Variants in ALPK2 observed in about 807,000 individuals in gnomAD.
ALPK2 encodes alpha-protein kinase 2.
ALPK2 carries 127 observed loss-of-function variants against 163.1 expected under a neutral mutation model. That is an observed-to-expected ratio of 0.78 (90% CI 0.67 to 0.90). The LOEUF is 0.90. Ranked by LOEUF, ALPK2 falls within the 40% of genes least tolerant of loss-of-function variation. ALPK2 has a pLI of 0.00. For missense variants in ALPK2, 2,360 were observed against 2,589.6 expected (o/e 0.91, Z 1.92); for synonymous variants, 953 against 959.1 (o/e 0.99, Z 0.12).
In ALPK2 at chr18:58,573,613, C is replaced by CTTTTTTTTTTTTTTTT. The variant is rs778622176; in HGVS notation, c.1962+5185_1962+5200dup. Among the ~76,000 whole-genome samples the CTTTTTTTTTTTTTTTT allele has an allele frequency of 3.3e-3, 171 of 51,710 alleles. 1 individual carries two copies. The highest frequency in any genetic ancestry group is 0.013 in the East Asian group (14 of 1,046). The allele number at this position is 51,710 out of a possible 152,430, so 33.9% of individuals were successfully genotyped here. ...AGAGGCATGTTGCCATTTTTGTCTT[C>CTTTTTTTTTTTTTTTT]TTTTTTTTTTTTTTTTTTTTTTTTA... On this transcript the variant is annotated intron_variant, in intron 4 of 12. Coordinates refer to ENST00000361673, the MANE Select transcript of ALPK2 (RefSeq NM_052947.4).
At chr18:58,543,489 C>T (rs1405507704) in intron 4 of ALPK2, 3 of 701,750 alleles carry the variant, frequency 4.3e-6, no homozygotes, top group East Asian at 1.3e-4. Flanking sequence ...AGAGAGAGGG[C>T]AGCAGAAAGG....
chr18:58,616,309 ATC>A (rs1161165633), intron 1 of ALPK2, among the ~76,000 whole-genome samples: 3 of 152,118 alleles, frequency 2.0e-5, no homozygotes, highest in Non-Finnish European at 2.9e-5. Context: ...GGGAAACAGA[ATC>A]TCTCTCTCTG....
chr18:58,550,488 C>T (rs182998723), intron 4 of ALPK2, among the ~76,000 whole-genome samples: 31 of 6,862 alleles, frequency 4.5e-3, no homozygotes, highest in Admixed American at 7.4e-3. Flanking sequence ...TATGACTCTA[C>T]CCCCATCTAT....
intron 4 of ALPK2, among the ~76,000 whole-genome samples, chr18:58,562,962 G>A (rs2051832582): frequency 6.6e-6 from 1 of 152,146 alleles, no homozygotes; most frequent in Non-Finnish European, 1.5e-5. Context: ...GACTCCACCT[G>A]CTAATAGTAT....
intron 12 of ALPK2, among the ~76,000 whole-genome samples, chr18:58,492,673 A>G (rs1248777751): frequency 2.0e-5 from 3 of 152,188 alleles, no homozygotes; most frequent in Non-Finnish European, 4.4e-5. Flanking sequence ...CTGGATGACA[A>G]GCGATGCAGC....
At chr18:58,514,083 A>G (rs1440662359) in intron 10 of ALPK2, among the ~76,000 whole-genome samples, 1 of 152,186 alleles carries the variant, frequency 6.6e-6, no homozygotes, top group Admixed American at 6.5e-5. Flanking sequence ...CAGTTCCCAT[A>G]TCATGAAAGC....
intron 5 of ALPK2, 100 bp from the exon 6 acceptor site, chr18:58,529,338 T>C (rs1206673680): frequency 8.0e-7 from 1 of 1,243,406 alleles, no homozygotes; most frequent in East Asian, 2.5e-5. Flanking sequence ...TATTAATTAT[T>C]ATCCCCAATT....
chr18:58,628,055 TA>T (rs1476033513), intron 1 of ALPK2, among the ~76,000 whole-genome samples: 1 of 152,228 alleles, frequency 6.6e-6, no homozygotes, highest in Non-Finnish European at 1.5e-5. Context: ...CTGACACCCT[TA>T]ATCAAGGCTT....
At chr18:58,509,309 G>A (rs1047198243) in intron 10 of ALPK2, among the ~76,000 whole-genome samples, 18 of 152,218 alleles carry the variant, frequency 1.2e-4, no homozygotes, top group Non-Finnish European at 2.6e-4. Context: ...TTGGTTCCAA[G>A]TCTTTGCTAT....
chr18:58,561,736 C>A (rs1420739607), intron 4 of ALPK2, among the ~76,000 whole-genome samples: 1 of 152,174 alleles, frequency 6.6e-6, no homozygotes, highest in Non-Finnish European at 1.5e-5. Context: ...ACTCCCACCC[C>A]CATTGGTGGA....
chr18:58,590,298 C>T (rs1034729407), intron 3 of ALPK2, among the ~76,000 whole-genome samples: 1 of 151,668 alleles, frequency 6.6e-6, no homozygotes, highest in Non-Finnish European at 1.5e-5. Context: ...GCACCACAGG[C>T]ATTCCATTTT....
In ALPK2 at chr18:58,536,614, C is replaced by T. The variant is rs776529478; in HGVS notation, c.3573G>A (p.Thr1191=). 20 of 1,614,030 alleles carry T rather than the reference C, an allele frequency of 1.2e-5. No homozygotes were observed. Among genetic ancestry groups the T allele is most frequent in the Non-Finnish European group, 1.5e-5 (18 of 1,180,028 alleles). ...CAGTTTCAGCCACCACGGAGACCCT[C>T]GTCCCCCAACCTGAGCGCTGCCCTG... The part of the protein sequence containing the change: ...EGAGQRSGWG[T]RVSVVAETAG... Residue 1191 remains threonine (T), a synonymous_variant, in exon 5 of 13, where the codon ACG becomes ACA. Coordinates refer to ENST00000361673, the MANE Select transcript of ALPK2 (RefSeq NM_052947.4).
chr18:58,532,820 AC>A lies in ALPK2; in HGVS notation c.5353+2013del, dbSNP rs1399720872. On this transcript the variant is annotated intron_variant, in intron 5 of 12. Coordinates refer to ENST00000361673, the MANE Select transcript of ALPK2 (RefSeq NM_052947.4). The stretch of plus-strand genomic sequence containing the variant: ...ATTTTACAGGTGGGGAAAGTGAGGC[AC>A]CCAGAGGCTAAGGCATTTGCCCAGG... 5.9e-5 allele frequency among the ~76,000 whole-genome samples: 9 copies of A among 152,176 alleles called. 1 individual carries two copies. The highest frequency in any genetic ancestry group is 1.5e-5 in the Non-Finnish European group (1 of 68,026).
intron 6 of ALPK2, among the ~76,000 whole-genome samples, chr18:58,528,362 T>C (rs1248421419): frequency 6.6e-6 from 1 of 152,046 alleles, no homozygotes; most frequent in African/African-American, 2.4e-5. Context: ...CAAAACCCTG[T>C]CTCTACTAAA....
chr18:58,545,110 A>G (rs1247512454), intron 4 of ALPK2: 1 of 152,130 alleles, frequency 6.6e-6, no homozygotes, highest in Non-Finnish European at 1.5e-5. Flanking sequence ...AAAAGCCAGC[A>G]CACTATGACT....
chr18:58,527,240 C>T (rs572173563), intron 6 of ALPK2, among the ~76,000 whole-genome samples: 20 of 152,266 alleles, frequency 1.3e-4, no homozygotes, highest in African/African-American at 4.3e-4. Flanking sequence ...TGAAGGGAAA[C>T]GCTGGACTGG....
At position 58,535,948 on chromosome 18, in the gene ALPK2, C is replaced by G. The variant is rs533016548; in HGVS notation, c.4239G>C (p.Glu1413Asp). Residue 1413 changes from glutamate to aspartate, a missense_variant, in exon 5 of 13, where the codon GAG (glutamate) becomes GAC (aspartate). Transcript: ENST00000361673. The stretch of plus-strand genomic sequence containing the variant: ...GCTCTGGTTTTCCAGCCCTGGTGTA[C>G]TCTATCACACTTATCTCATCAATGG... ...VDPIDEISVIEYTRAGKPEPS... is the reference protein window; with the variant it reads ...VDPIDEISVIDYTRAGKPEPS... 2.5e-6 allele frequency: 4 copies of G among 1,614,200 alleles called. No individual in the cohort carries two copies. Among genetic ancestry groups the G allele is most frequent in the South Asian group, 1.1e-5 (1 of 91,090 alleles).
rs2051946407 is a variant in ALPK2 at position 58,579,791 on chromosome 18, A to C, written c.985T>G (p.Tyr329Asp). 6.2e-7 allele frequency: 1 copy of C among 1,614,092 alleles called. No individual in the cohort carries two copies. The highest frequency in any genetic ancestry group is 8.5e-7 in the Non-Finnish European group (1 of 1,180,016). ...TEEFSDDDLE[Y>D]LECSDVMTDY... ...GTCATAACATCAGAACATTCCAGAT[A>C]CTCCAGGTCATCATCTGAAAACTCC... is the stretch of plus-strand genomic sequence containing the variant. Residue 329 changes from tyrosine to aspartate, a missense_variant, in exon 4 of 13, where the codon TAT becomes GAT. Coordinates refer to ENST00000361673, the MANE Select transcript of ALPK2 (RefSeq NM_052947.4).
At chr18:58,521,676 G>C (rs2051554299) in intron 8 of ALPK2, among the ~76,000 whole-genome samples, 2 of 122,986 alleles carry the variant, frequency 1.6e-5, no homozygotes, top group South Asian at 5.2e-4. Context: ...TCGCCAGGCT[G>C]GGGGGCAGTG....
Sources: gnomAD v4.1 joint callset for allele counts (sites outside exome capture counted in the v4.1 genomes callset) on GRCh38, gnomAD v4.1.1 for gene constraint, MANE v1.5 for transcripts, NCBI Gene and HGNC (gene_info 2026-07-23, HGNC 2026-07-21) for gene names.